Variants in CKAP2 observed in about 807,000 individuals in gnomAD.
CKAP2 encodes the protein cytoskeleton associated protein 2.
A neutral mutation model predicts 58.4 loss-of-function variants in CKAP2; 46 were observed. The observed-to-expected ratio is 0.79, with a 90% CI of 0.62 to 1.01. The LOEUF (loss-of-function observed/expected upper bound fraction) is 1.01. Among genes scored for constraint, CKAP2 ranks in the 50% least tolerant of loss-of-function variants. The probability of loss-of-function intolerance (pLI) is 0.00; values close to 1 mark genes in which losing one functional copy is unlikely to be tolerated. For missense variants in CKAP2, 809 were observed against 796.4 expected, an observed-to-expected ratio of 1.02 and a Z score of -0.19; for synonymous variants, 293 against 280.9, an observed-to-expected ratio of 1.04 and a Z score of -0.43.
chr13:52,466,012 TACAC>T (rs969098320), intron 6 of CKAP2, among the ~76,000 whole-genome samples: 4 of 151,608 alleles, frequency 2.6e-5, no homozygotes, highest in East Asian at 1.9e-4. Flanking sequence ...TATACACACA[TACAC>T]ATATATACAC....
chr13:52,469,648 C>G (rs1415452065), intron 7 of CKAP2, among the ~76,000 whole-genome samples: 1 of 146,526 alleles, frequency 6.8e-6, no homozygotes, highest in Non-Finnish European at 1.5e-5. Flanking sequence ...AGACTGCGGA[C>G]TGCAGTGGCG....
chr13:52,463,594 G>A (rs1040473392), intron 5 of CKAP2, among the ~76,000 whole-genome samples: 2 of 152,130 alleles, frequency 1.3e-5, no homozygotes, highest in African/African-American at 4.8e-5. Flanking sequence ...ACAGCAGCAC[G>A]TTTTCAATCT....
chr13:52,464,061 T>C (rs1437248904), intron 5 of CKAP2, among the ~76,000 whole-genome samples: 1 of 152,224 alleles, frequency 6.6e-6, no homozygotes, highest in Non-Finnish European at 1.5e-5. Flanking sequence ...ATATTTGATT[T>C]CTCTGAGCTA....
chr13:52,469,403 T>C (rs879322153), intron 7 of CKAP2, among the ~76,000 whole-genome samples: 10 of 152,128 alleles, frequency 6.6e-5, no homozygotes, highest in Non-Finnish European at 8.8e-5. Context: ...GAAAAGCTCA[T>C]TTAAGAATTC....
Position 52,465,349 on chromosome 13 carries a change from C to G in CKAP2, c.1360C>G (p.Pro454Ala). Reference protein sequence around the residue: ...VTLNDLIKNIPDAKKLVKYWI... With the variant: ...VTLNDLIKNIADAKKLVKYWI... Reference sequence around the variant, plus strand: ...ACTGAATGACCTGATTAAAAATATTCCAGATGCCAAAAAGCTTGTTAAGTA... The same window carrying G: ...ACTGAATGACCTGATTAAAAATATTGCAGATGCCAAAAAGCTTGTTAAGTA... The change falls in exon 6 of 9, where the codon CCA (proline) becomes GCA (alanine). Residue 454 changes from proline (P) to alanine (A), a missense_variant. Physicochemically the swap from Pro to Ala is conservative, Grantham distance 27. Around this residue, in one of 3 missense-constraint regions of CKAP2, gnomAD observed 283 missense variants for 287.6 expected, o/e 0.98. Transcript: ENST00000258607. 1 of 1,613,342 alleles carries G rather than the reference C, an allele frequency of 6.2e-7. No homozygotes were observed. Among genetic ancestry groups the G allele is most frequent in the Non-Finnish European group, 8.5e-7 (1 of 1,179,588 alleles).
At position 52,462,370 on chromosome 13, in the gene CKAP2, C is replaced by G. The variant is rs781153928; in HGVS notation, c.1108C>G (p.Leu370Val). ...KETSEERKAR[L>V]SEWKAGKGRV... Reference sequence around the variant, plus strand: ...ATCTGCTTCTAACTATAGAGCTCGTCTGAGTGAGTGGAAAGCTGGCAAAGG... The same window carrying G: ...ATCTGCTTCTAACTATAGAGCTCGTGTGAGTGAGTGGAAAGCTGGCAAAGG... Residue 370 changes from leucine (L) to valine (V), a missense_variant, in exon 5 of 9, where the codon CTG (leucine) becomes GTG (valine). Around this residue, in one of 3 missense-constraint regions of CKAP2, gnomAD observed 523 missense variants for 492.4 expected, o/e 1.06. Transcript: ENST00000258607. 8.7e-6 allele frequency: 14 copies of G among 1,613,882 alleles called. No individual in the cohort carries two copies. In the Admixed American group the frequency reaches 2.3e-4, roughly 27 times the overall value.
chr13:52,461,101 A>G lies in CKAP2; in HGVS notation c.275A>G (p.Asn92Ser), dbSNP rs750701904. ...AAGAGACCTGCAGAGAGCAAAAATA[A>G]TACAGTGGTGGGGAAACATTGTATT... The part of the protein sequence containing the change: ...NMKRPAESKN[N>S]TVVGKHCIPL... Residue 92 changes from asparagine (N) to serine (S), a missense_variant, in exon 4 of 9, where the codon AAT becomes AGT. By Grantham distance (46) the Asn-to-Ser change is conservative. This residue lies in a region of CKAP2 where 523 missense variants were observed against 492.4 expected (regional missense o/e 1.06). Transcript: ENST00000258607. 3.1e-6 allele frequency: 5 copies of G among 1,606,122 alleles called. No homozygotes were observed. Among genetic ancestry groups the G allele is most frequent in the Non-Finnish European group, 4.2e-6 (5 of 1,177,782 alleles).
chr13:52,456,961 T>G (rs1958494623), intron 2 of CKAP2, among the ~76,000 whole-genome samples: 1 of 152,102 alleles, frequency 6.6e-6, no homozygotes, highest in Admixed American at 6.6e-5. Flanking sequence ...AGCGTGATCT[T>G]GGCTCACTGC....
At chr13:52,468,436 G>A (rs1193906993) in intron 7 of CKAP2, 89 bp downstream of exon 7, 3 of 748,534 alleles carry the variant, frequency 4.0e-6, no homozygotes, top group Admixed American at 5.4e-5. Flanking sequence ...TCAGGAGTAC[G>A]TGTGCAGGAT....
chr13:52,456,634 T>G (rs761056703), intron 2 of CKAP2, 27 bp downstream of exon 2: 5 of 1,523,886 alleles, frequency 3.3e-6, no homozygotes, highest in African/African-American at 1.4e-5. Flanking sequence ...TTCTTTTCAC[T>G]TCTGTAAAAT....
At chr13:52,465,885 A>G (rs1444361834) in intron 6 of CKAP2, 2 of 350,706 alleles carry the variant, frequency 5.7e-6, no homozygotes, top group African/African-American at 4.3e-5. Context: ...TTAAGAGTAA[A>G]CCCGAATGTA....
At chr13:52,464,553 C>CAAAA (rs66481844) in intron 5 of CKAP2, among the ~76,000 whole-genome samples, 28 of 80,064 alleles carry the variant, frequency 3.5e-4, no homozygotes, top group Non-Finnish European at 4.5e-4. Flanking sequence ...AACTCCGTCT[C>CAAAA]AAAAAAAAAA....
chr13:52,457,662 G>C (rs951964169), intron 2 of CKAP2, among the ~76,000 whole-genome samples: 1 of 152,116 alleles, frequency 6.6e-6, no homozygotes, highest in African/African-American at 2.4e-5. Flanking sequence ...AGACCAGCCT[G>C]GCTAACACAG....
Position 52,475,299 on chromosome 13 carries a change from C to T in CKAP2, c.*158C>T. The T allele has an allele frequency of 4.5e-6, 4 of 886,102 alleles. No homozygotes were observed. Among genetic ancestry groups the T allele is most frequent in the Non-Finnish European group, 6.7e-6 (4 of 595,572 alleles). The allele number at this position is 886,102 out of a possible 1,614,324, so 54.9% of individuals were successfully genotyped here. On this transcript the variant is annotated 3_prime_UTR_variant, in exon 9 of 9. Transcript: ENST00000258607. The stretch of plus-strand genomic sequence containing the variant: ...TCCTTTACTAACATTCATGTTATGG[C>T]AAGAGTTGTCCTCTACATTGGAAAG...
chr13:52,476,148 A>G lies in CKAP2; in HGVS notation c.*1007A>G, dbSNP rs1380920435. 2.0e-5 allele frequency: 3 copies of G among 152,210 alleles called. No individual in the cohort carries two copies. 9.4% of individuals were successfully genotyped at this position (152,210 alleles called of 1,614,324 possible). On this transcript the variant is annotated 3_prime_UTR_variant, in exon 9 of 9. Coordinates refer to ENST00000258607, the MANE Select transcript of CKAP2 (RefSeq NM_018204.5). The stretch of plus-strand genomic sequence containing the variant: ...TTCCAAACTAATATGGCATATATCA[A>G]CTCTACAGTTTCAAATAAATGACTT...
intron 2 of CKAP2, among the ~76,000 whole-genome samples, chr13:52,458,246 T>A (rs2137833578): frequency 6.6e-6 from 1 of 152,270 alleles, no homozygotes; most frequent in East Asian, 1.9e-4. Context: ...AGGAGTTCTG[T>A]TTTGACTATG....
At chr13:52,472,216 A>G (rs1958770047) in intron 7 of CKAP2, among the ~76,000 whole-genome samples, 1 of 151,826 alleles carries the variant, frequency 6.6e-6, no homozygotes, top group African/African-American at 2.4e-5. Context: ...TTTTTTCCCT[A>G]TGCAATATTT....
In CKAP2 at chr13:52,455,550, G is replaced by A; in HGVS notation, c.-7G>A. ...AGCGGAGACGCATCCCCCGACCCGA[G>A]GCTACGATGAGCACACCGGCCGTGC... On this transcript the variant is annotated 5_prime_UTR_variant, in exon 1 of 9. Coordinates refer to ENST00000258607, the MANE Select transcript of CKAP2 (RefSeq NM_018204.5). The A allele has an allele frequency of 4.3e-6, 7 of 1,612,960 alleles. No individual in the cohort carries two copies. The highest frequency in any genetic ancestry group is 5.9e-6 in the Non-Finnish European group (7 of 1,179,836).
At chr13:52,468,596 TG>T (rs1345951988) in intron 7 of CKAP2, among the ~76,000 whole-genome samples, 1 of 152,186 alleles carries the variant, frequency 6.6e-6, no homozygotes, top group East Asian at 1.9e-4. Context: ...GTTCTTTAGC[TG>T]TCCATGTGTT....
Sources: allele counts gnomAD v4.1 joint callset (sites outside exome capture counted in the v4.1 genomes callset), GRCh38; gene constraint gnomAD v4.1.1; regional missense constraint gnomAD v4.1.1; transcripts MANE v1.5; gene names NCBI Gene and HGNC (gene_info 2026-07-23, HGNC 2026-07-21).